TEX11: variants seen among roughly 807,000 people sequenced by gnomAD.
TEX11 encodes the protein testis expressed 11.
In TEX11, 7 loss-of-function variants were observed where a neutral mutation model predicts 84.4. That is an observed-to-expected ratio of 0.08 (90% CI 0.05 to 0.16). TEX11 has a LOEUF of 0.16. TEX11 is among the 10% of genes least tolerant of loss of function. The pLI is 1.00. For synonymous variants in TEX11, 264 were observed against 222.8 expected, an observed-to-expected ratio of 1.18 and a Z score of -1.64; for missense variants, 551 against 660.5, an observed-to-expected ratio of 0.83 and a Z score of 1.82.
At chrX:70,607,441 C>G (rs1376353873) in intron 22 of TEX11, among the ~76,000 whole-genome samples, 1 of 110,627 alleles carries the variant, frequency 9.0e-6, no homozygotes, top group Non-Finnish European at 1.9e-5. Flanking sequence ...AATTAAAAAA[C>G]AAACCAAAAC....
intron 2 of TEX11, among the ~76,000 whole-genome samples, chrX:70,897,229 T>TA (rs1345423501): frequency 1.4e-3 from 118 of 82,126 alleles, no homozygotes; most frequent in African/African-American, 4.7e-3. Context: ...ATATATATGT[T>TA]TTATATATAT....
intron 9 of TEX11, among the ~76,000 whole-genome samples, chrX:70,797,120 C>A (rs963816679): frequency 2.4e-4 from 27 of 111,662 alleles, no homozygotes; most frequent in African/African-American, 8.8e-4. Context: ...GGGGATACAG[C>A]CAAAAGAAAA....
At chrX:70,640,582 C>T (rs1454318904) in intron 17 of TEX11, among the ~76,000 whole-genome samples, 10 of 110,286 alleles carry the variant, frequency 9.1e-5, no homozygotes, top group Non-Finnish European at 1.5e-4. Flanking sequence ...CGGCAGAAAC[C>T]CTACAAGCCA....
intron 4 of TEX11, among the ~76,000 whole-genome samples, chrX:70,869,112 T>C (rs185632080): frequency 0.011 from 839 of 77,865 alleles, 6 homozygotes; most frequent in African/African-American, 0.016. Context: ...TAAAATAAAA[T>C]AAAACAAAAT....
chrX:70,575,683 C>G (rs933453400), intron 25 of TEX11, among the ~76,000 whole-genome samples: 9 of 111,697 alleles, frequency 8.1e-5, no homozygotes, highest in Non-Finnish European at 1.7e-4. Flanking sequence ...TTGTAAGTTA[C>G]CCGGTCTGCA....
chrX:70,582,762 A>ATTTT (rs67328060), intron 25 of TEX11, among the ~76,000 whole-genome samples: 48,478 of 95,840 alleles, frequency 0.51, 10,459 homozygotes, highest in Non-Finnish European at 0.69. Flanking sequence ...TTATTTATTT[A>ATTTT]TGTGATGGAA....
chrX:70,884,660 T>C (rs1233728723), intron 2 of TEX11, among the ~76,000 whole-genome samples: 1 of 110,592 alleles, frequency 9.0e-6, no homozygotes, highest in Non-Finnish European at 1.9e-5. Context: ...AAATGACAAA[T>C]TGGATATGGT....
At chrX:70,791,373 C>CT (rs1417301121) in intron 9 of TEX11, among the ~76,000 whole-genome samples, 1 of 111,991 alleles carries the variant, frequency 8.9e-6, no homozygotes, top group Non-Finnish European at 1.9e-5. Context: ...ACAAGTACTT[C>CT]TAGACCTATG....
chrX:70,512,225 ATTT>A, the TEX11 span, among the ~76,000 whole-genome samples: 1 of 106,306 alleles, frequency 9.4e-6, no homozygotes, highest in Non-Finnish European at 1.9e-5. Context: ...TCCACAAAGC[ATTT>A]TCTTCTTCTT....
chrX:70,843,299 T>C (rs188840265), intron 7 of TEX11, among the ~76,000 whole-genome samples: 1,183 of 110,755 alleles, frequency 0.011, 12 homozygotes, highest in African/African-American at 0.038. Flanking sequence ...TCAGAAATAA[T>C]GCCGCATATC....
intron 3 of TEX11, 85 bp from the exon 4 acceptor site, chrX:70,873,392 T>C: frequency 1.5e-6 from 1 of 652,382 alleles, no homozygotes; most frequent in Non-Finnish European, 2.5e-6. Context: ...TGTATGCTTA[T>C]GTAACTATTG....
intron 2 of TEX11, among the ~76,000 whole-genome samples, chrX:70,890,245 C>G (rs748076629): frequency 1.8e-5 from 2 of 111,401 alleles, no homozygotes; most frequent in African/African-American, 6.5e-5. Context: ...CAAATAGGAA[C>G]AGCTCTGGTC....
At chrX:70,799,132 TA>T (rs1352308035) in intron 9 of TEX11, among the ~76,000 whole-genome samples, 3 of 111,882 alleles carry the variant, frequency 2.7e-5, no homozygotes, top group African/African-American at 9.7e-5. Context: ...ATATAAATTT[TA>T]TTTATCAACA....
intron 15 of TEX11, among the ~76,000 whole-genome samples, chrX:70,671,910 T>TATATATATATATATATATATACAC (rs57166359): frequency 3.2e-4 from 22 of 67,957 alleles, no homozygotes; most frequent in Admixed American, 6.2e-4. Flanking sequence ...TATATATATA[T>TATATATATATATATATATATACAC]ACACACACAC....
chrX:70,603,002 G>A (rs1209891541), intron 24 of TEX11, among the ~76,000 whole-genome samples: 1 of 30,980 alleles, frequency 3.2e-5, no homozygotes, highest in Non-Finnish European at 6.2e-5. Flanking sequence ...CAAGGGATAT[G>A]AAGGACCTCT....
chrX:70,749,122 G>A (rs2090792062), intron 9 of TEX11, among the ~76,000 whole-genome samples: 1 of 106,502 alleles, frequency 9.4e-6, no homozygotes, highest in South Asian at 4.4e-4. Flanking sequence ...AGTTCTCCTT[G>A]AAGAGGTCCT....
intron 17 of TEX11, among the ~76,000 whole-genome samples, chrX:70,634,520 C>T (rs1292198966): frequency 2.7e-5 from 3 of 111,054 alleles, no homozygotes; most frequent in African/African-American, 9.8e-5. Flanking sequence ...AAATTTATTA[C>T]ATAGCTACAC....
intron 17 of TEX11, among the ~76,000 whole-genome samples, chrX:70,648,179 C>T (rs1490369622): frequency 1.8e-5 from 2 of 110,845 alleles, no homozygotes; most frequent in East Asian, 2.8e-4. Context: ...AACCAAACAC[C>T]GCATATTCTC....
At chrX:70,788,973 T>TAGAGAGAGAGAGAGAGAG (rs35956435) in intron 9 of TEX11, among the ~76,000 whole-genome samples, 1 of 9,557 alleles carries the variant, frequency 1.0e-4, no homozygotes, top group Admixed American at 2.2e-3. Flanking sequence ...TATATATATA[T>TAGAGAGAGAGAGAGAGAG]AGAGAGAGAG....
Sources: gnomAD v4.1 joint callset for allele counts (sites outside exome capture counted in the v4.1 genomes callset) on GRCh38, gnomAD v4.1.1 for gene constraint, MANE v1.5 for transcripts, NCBI Gene and HGNC (gene_info 2026-07-23, HGNC 2026-07-21) for gene names.